Variants in SUGCT observed in about 807,000 individuals in gnomAD.
SUGCT encodes succinyl-CoA:glutarate-CoA transferase.
SUGCT carries 41 observed loss-of-function variants against 55.0 expected under a neutral mutation model. The ratio of observed to expected loss-of-function variants is 0.74; its 90% CI spans 0.58 to 0.97. The LOEUF (loss-of-function observed/expected upper bound fraction) is 0.97, where lower values mean the gene tolerates loss of function less well. Among genes scored for constraint, SUGCT ranks in the 50% least tolerant of loss-of-function variants. The pLI is 0.00. For synonymous variants in SUGCT, 187 were observed against 200.4 expected (o/e 0.93, Z 0.56); for missense variants, 568 against 547.8 (o/e 1.04, Z -0.37).
intron 13 of SUGCT, among the ~76,000 whole-genome samples, chr7:40,772,576 C>CATCTA: frequency 8.4e-6 from 1 of 119,318 alleles, no homozygotes; most frequent in African/African-American, 3.3e-5. Context: ...TGTTATCTAT[C>CATCTA]TGCTATCTAT....
chr7:40,571,372 C>G (rs938653180), intron 12 of SUGCT, among the ~76,000 whole-genome samples: 27 of 152,164 alleles, frequency 1.8e-4, no homozygotes, highest in African/African-American at 6.0e-4. Flanking sequence ...TTTTCTTTGA[C>G]TATGAAATTT....
At chr7:41,014,742 C>A in the SUGCT span, among the ~76,000 whole-genome samples, 1 of 152,156 alleles carries the variant, frequency 6.6e-6, no homozygotes, top group African/African-American at 2.4e-5. Context: ...AACATAAGAT[C>A]CCTAAGAAAA....
At chr7:40,688,261 C>G (rs1784550040) in intron 12 of SUGCT, among the ~76,000 whole-genome samples, 1 of 152,170 alleles carries the variant, frequency 6.6e-6, no homozygotes, top group African/African-American at 2.4e-5. Context: ...CTCTGTTACA[C>G]AGATTCCTGG....
At chr7:40,490,618 T>C (rs1238414939) in intron 11 of SUGCT, among the ~76,000 whole-genome samples, 1 of 152,188 alleles carries the variant, frequency 6.6e-6, no homozygotes. Flanking sequence ...TACTTTTGCC[T>C]GATGTTAGTT....
chr7:40,749,496 A>C lies in SUGCT; in HGVS notation c.1152A>C (p.Pro384=), dbSNP rs964920195. The C allele has an allele frequency of 6.2e-7, 1 of 1,613,080 alleles. No individual in the cohort carries two copies. The highest frequency in any genetic ancestry group is 2.2e-5 in the East Asian group (1 of 44,868). ...CAACTGTGGGGAAGATTTCCGTCCCAGGTCTGAAAAGTTTTGGTATTTTCT... is the reference window on the plus strand; with the variant it reads ...CAACTGTGGGGAAGATTTCCGTCCCCGGTCTGAAAAGTTTTGGTATTTTCT... ...EHPTVGKISV[P]GPAVRYSKFK... is the part of the protein sequence containing the mutation. The change falls in exon 13 of 14, where the codon CCA becomes CCC. Residue 384 remains proline (P), a splice_region_variant and synonymous_variant. Coordinates refer to ENST00000335693, the MANE Select transcript of SUGCT (RefSeq NM_001193313.2).
At chr7:40,262,206 GA>G (rs1791263583) in intron 7 of SUGCT, among the ~76,000 whole-genome samples, 1 of 152,056 alleles carries the variant, frequency 6.6e-6, no homozygotes, top group African/African-American at 2.4e-5. Flanking sequence ...ATTATTTTCT[GA>G]AAAAAGTTTT....
At chr7:40,792,916 A>C (rs761088827) in intron 13 of SUGCT, among the ~76,000 whole-genome samples, 22 of 152,080 alleles carry the variant, frequency 1.4e-4, no homozygotes, top group Non-Finnish European at 2.6e-4. Context: ...TAAAAGTACA[A>C]ATTCCTGTGC....
In SUGCT at chr7:40,774,467, T is replaced by C. The variant is rs111306737; in HGVS notation, c.1153+24970T>C. 3.7e-3 allele frequency among the ~76,000 whole-genome samples: 570 copies of C among 152,302 alleles called. 5 individuals are homozygous for C. Among genetic ancestry groups the C allele is most frequent in the African/African-American group, 0.013 (543 of 41,572 alleles). ...ATCTTGAAAAGTTCCCAGTGTCCCA[T>C]GAAATTGATCTATAATGTTCTCATT... On this transcript the variant is annotated intron_variant, in intron 13 of 13. Coordinates refer to ENST00000335693, the MANE Select transcript of SUGCT (RefSeq NM_001193313.2).
chr7:40,409,547 A>ACCATACCTGGCC (rs965692019), intron 9 of SUGCT, among the ~76,000 whole-genome samples: 1 of 152,170 alleles, frequency 6.6e-6, no homozygotes, highest in African/African-American at 2.4e-5. Flanking sequence ...GGTATGAGCC[A>ACCATACCTGGCC]CCATACCTGG....
chr7:40,267,710 C>T (rs1791694513), intron 7 of SUGCT, among the ~76,000 whole-genome samples: 1 of 152,068 alleles, frequency 6.6e-6, no homozygotes, highest in African/African-American at 2.4e-5. Context: ...CTTCTTGCAC[C>T]TGGGAATACT....
At chr7:40,751,261 G>C (rs1562981007) in intron 13 of SUGCT, among the ~76,000 whole-genome samples, 1 of 152,116 alleles carries the variant, frequency 6.6e-6, no homozygotes, top group African/African-American at 2.4e-5. Context: ...GATGAAAGGT[G>C]GGGAAGTGGG....
intron 11 of SUGCT, among the ~76,000 whole-genome samples, chr7:40,482,778 G>A (rs769150339): frequency 2.0e-5 from 3 of 152,168 alleles, no homozygotes; most frequent in Non-Finnish European, 2.9e-5. Context: ...TGAATGATTA[G>A]TATGGACGAG....
intron 9 of SUGCT, among the ~76,000 whole-genome samples, chr7:40,380,830 G>C (rs1311383908): frequency 6.6e-6 from 1 of 151,986 alleles, no homozygotes. Flanking sequence ...TATTTTGTTA[G>C]GTTTTGGGGG....
At chr7:40,747,499 T>C (rs1787793159) in intron 12 of SUGCT, among the ~76,000 whole-genome samples, 1 of 152,216 alleles carries the variant, frequency 6.6e-6, no homozygotes, top group African/African-American at 2.4e-5. Context: ...GGTAAGAAGG[T>C]AGATATGCAA....
At chr7:40,552,857 G>A (rs1440389522) in intron 12 of SUGCT, among the ~76,000 whole-genome samples, 1 of 136,768 alleles carries the variant, frequency 7.3e-6, no homozygotes, top group African/African-American at 2.7e-5. Context: ...CATAATCACA[G>A]GATTGGAGAA....
At chr7:40,442,590 T>A (rs1027277857) in intron 9 of SUGCT, among the ~76,000 whole-genome samples, 1 of 152,102 alleles carries the variant, frequency 6.6e-6, no homozygotes, top group African/African-American at 2.4e-5. Flanking sequence ...TAATGCCTTC[T>A]TTACTAGAAA....
At chr7:40,420,379 C>T (rs1031435594) in intron 9 of SUGCT, among the ~76,000 whole-genome samples, 1 of 152,110 alleles carries the variant, frequency 6.6e-6, no homozygotes, top group African/African-American at 2.4e-5. Context: ...TACTCTGTTT[C>T]CCAGGCTAGA....
intron 12 of SUGCT, among the ~76,000 whole-genome samples, chr7:40,521,096 T>A (rs1278420787): frequency 2.0e-5 from 3 of 152,106 alleles, no homozygotes; most frequent in Admixed American, 1.3e-4. Flanking sequence ...AGTGATATGG[T>A]TTGGATCTGT....
At chr7:40,389,870 A>G (rs1465617174) in intron 9 of SUGCT, among the ~76,000 whole-genome samples, 6 of 152,246 alleles carry the variant, frequency 3.9e-5, no homozygotes, top group East Asian at 1.9e-4. Flanking sequence ...ATGAACATCA[A>G]TGCAAAAATG....
Sources: gnomAD v4.1 joint callset for allele counts (sites outside exome capture counted in the v4.1 genomes callset) on GRCh38, gnomAD v4.1.1 for gene constraint, MANE v1.5 for transcripts, NCBI Gene and HGNC (gene_info 2026-07-23, HGNC 2026-07-21) for gene names.